Variants in IMMP2L observed in about 807,000 individuals in gnomAD.
IMMP2L encodes the protein inner mitochondrial membrane peptidase subunit 2.
IMMP2L carries 18 observed loss-of-function variants against 19.3 expected under a neutral mutation model. That is an observed-to-expected ratio of 0.93 (90% CI 0.64 to 1.38). IMMP2L has a LOEUF of 1.38. IMMP2L is among the 40% of genes most tolerant of loss of function. The pLI is 0.00. For missense variants in IMMP2L, 233 were observed against 218.2 expected, an observed-to-expected ratio of 1.07 and a Z score of -0.43; for synonymous variants, 76 against 73.0, an observed-to-expected ratio of 1.04 and a Z score of -0.21.
At chr7:111,495,596 GA>G (rs1843521076) in intron 2 of IMMP2L, among the ~76,000 whole-genome samples, 1 of 152,120 alleles carries the variant, frequency 6.6e-6, no homozygotes, top group Non-Finnish European at 1.5e-5. Context: ...AGGTTTGGAA[GA>G]ATTTATCTTT....
chr7:111,115,286 G>C (rs1799745091), intron 3 of IMMP2L, among the ~76,000 whole-genome samples: 1 of 151,584 alleles, frequency 6.6e-6, no homozygotes, highest in Admixed American at 6.6e-5. Context: ...TAAGCATCAA[G>C]AGACAAGTTA....
chr7:111,139,896 G>A (rs1041825872), intron 3 of IMMP2L, among the ~76,000 whole-genome samples: 1 of 152,106 alleles, frequency 6.6e-6, no homozygotes, highest in Non-Finnish European at 1.5e-5. Flanking sequence ...TGCCTGTGCT[G>A]TTGGCAACAC....
At chr7:111,098,897 T>C (rs968610278) in intron 3 of IMMP2L, among the ~76,000 whole-genome samples, 3 of 151,782 alleles carry the variant, frequency 2.0e-5, no homozygotes, top group Admixed American at 2.0e-4. Context: ...AAGAGTCAGA[T>C]TCTCTATCAA....
At chr7:111,156,751 T>C (rs1207112177) in intron 3 of IMMP2L, among the ~76,000 whole-genome samples, 2 of 152,010 alleles carry the variant, frequency 1.3e-5, no homozygotes, top group Non-Finnish European at 2.9e-5. Context: ...CACAGAGAAA[T>C]ACAACTGACT....
At chr7:111,478,878 T>TA (rs1046716545) in intron 3 of IMMP2L, among the ~76,000 whole-genome samples, 4 of 152,166 alleles carry the variant, frequency 2.6e-5, no homozygotes, top group African/African-American at 9.7e-5. Flanking sequence ...GTGTTGCGTA[T>TA]AAAAAAATTA....
intron 4 of IMMP2L, chr7:110,962,359 C>T (rs1428499196): frequency 6.6e-6 from 1 of 151,792 alleles, no homozygotes; most frequent in Non-Finnish European, 1.5e-5. Context: ...ATAATAAACC[C>T]TTATGTTAAC....
chr7:110,856,099 T>C lies in IMMP2L; in HGVS notation c.408+30494A>G, dbSNP rs111257705. On this transcript the variant is annotated intron_variant, in intron 5 of 5. Coordinates refer to ENST00000405709, the MANE Select transcript of IMMP2L (RefSeq NM_032549.4). ...AACTGTTCATCTACTACAGCAATCA[T>C]TCTTTTGGCTAAATGCACTTTCTTC... 3.9e-3 allele frequency among the ~76,000 whole-genome samples: 587 copies of C among 152,162 alleles called. 7 individuals are homozygous for C. Among genetic ancestry groups the C allele is most frequent in the African/African-American group, 0.013 (545 of 41,550 alleles).
intron 4 of IMMP2L, among the ~76,000 whole-genome samples, chr7:110,923,490 A>G (rs978817877): frequency 1.3e-5 from 2 of 152,200 alleles, no homozygotes; most frequent in Non-Finnish European, 2.9e-5. Flanking sequence ...GAAGCATAAA[A>G]GGTGAACTCT....
chr7:110,924,188 G>A lies in IMMP2L; in HGVS notation c.306-37493C>T, dbSNP rs183150568. Among the ~76,000 whole-genome samples, 3 of 152,256 alleles carry A rather than the reference G, an allele frequency of 2.0e-5. No individual in the cohort carries two copies. Among genetic ancestry groups the A allele is most frequent in the African/African-American group, 7.2e-5 (3 of 41,552 alleles). On this transcript the variant is annotated intron_variant, in intron 4 of 5. Transcript: ENST00000405709. The surrounding 1 kb of genome is among the most constrained non-coding windows in gnomAD (Gnocchi z 4.2). ...GCAACCTTTATCAGCATGAAGCCAG[G>A]TTTGGGCCTATAAGAACATAGACAG... is the stretch of plus-strand genomic sequence containing the variant.
At chr7:111,330,491 A>G (rs1825768565) in intron 3 of IMMP2L, among the ~76,000 whole-genome samples, 1 of 151,592 alleles carries the variant, frequency 6.6e-6, no homozygotes, top group South Asian at 2.1e-4. Context: ...GAAAGGGCCC[A>G]CTAGCCACGG....
At chr7:111,068,835 G>A (rs1232768788) in intron 3 of IMMP2L, among the ~76,000 whole-genome samples, 1 of 152,122 alleles carries the variant, frequency 6.6e-6, no homozygotes, top group Non-Finnish European at 1.5e-5. Context: ...AATAATTTTA[G>A]AAATGACATG....
chr7:111,307,853 C>A (rs1214019804), intron 3 of IMMP2L, among the ~76,000 whole-genome samples: 3 of 151,388 alleles, frequency 2.0e-5, no homozygotes, highest in Non-Finnish European at 4.4e-5. Flanking sequence ...GGTGTAAATC[C>A]AGTAATAATA....
chr7:111,169,210 G>A (rs1455528150), intron 3 of IMMP2L, among the ~76,000 whole-genome samples: 1 of 151,760 alleles, frequency 6.6e-6, no homozygotes, highest in African/African-American at 2.4e-5. Flanking sequence ...AACCTCCTTG[G>A]ACCCTCCCTG....
chr7:110,846,507 T>A (rs766362342), intron 5 of IMMP2L, among the ~76,000 whole-genome samples: 27 of 151,834 alleles, frequency 1.8e-4, no homozygotes, highest in Non-Finnish European at 3.4e-4. Context: ...CTGGGACTAC[T>A]GGCGCCTGCC....
chr7:110,893,882 C>T (rs1362464616), intron 4 of IMMP2L, among the ~76,000 whole-genome samples: 1 of 151,924 alleles, frequency 6.6e-6, no homozygotes, highest in African/African-American at 2.4e-5. Flanking sequence ...TTTCTTTTCC[C>T]CCACCTCCTA....
At chr7:110,852,819 T>G (rs1357084340) in intron 5 of IMMP2L, among the ~76,000 whole-genome samples, 1 of 151,960 alleles carries the variant, frequency 6.6e-6, no homozygotes, top group African/African-American at 2.4e-5. Flanking sequence ...ACTGATAGAC[T>G]AAACTAAGAT....
chr7:111,032,138 G>T (rs540492662), intron 3 of IMMP2L, among the ~76,000 whole-genome samples: 1 of 151,900 alleles, frequency 6.6e-6, no homozygotes, highest in Non-Finnish European at 1.5e-5. Context: ...ACAAGGTTTC[G>T]CTATGTTGCC....
At position 110,997,089 on chromosome 7, in the gene IMMP2L, T is replaced by C. The variant is rs575005643; in HGVS notation, c.240-33524A>G. On this transcript the variant is annotated intron_variant, in intron 3 of 5. Coordinates refer to ENST00000405709, the MANE Select transcript of IMMP2L (RefSeq NM_032549.4). ...TCCCTCTCCCCCACCTCTATTAACC[T>C]TGGCAAGCACTAATCTGTTCTCTAT... Among the ~76,000 whole-genome samples, 14 of 152,162 alleles carry C rather than the reference T, an allele frequency of 9.2e-5. 1 individual carries two copies. The South Asian group carries it at 2.9e-3, about 32-fold the overall frequency.
chr7:111,339,200 CTCT>C (rs1010381059), intron 3 of IMMP2L, among the ~76,000 whole-genome samples: 1 of 151,904 alleles, frequency 6.6e-6, no homozygotes, highest in African/African-American at 2.4e-5. Context: ...TTGCAGAAGC[CTCT>C]TGAGACTATT....
Sources: gnomAD v4.1 joint callset for allele counts (sites outside exome capture counted in the v4.1 genomes callset) on GRCh38, gnomAD v4.1.1 for gene constraint, Gnocchi (gnomAD v3.1) non-coding constraint, MANE v1.5 for transcripts, NCBI Gene and HGNC (gene_info 2026-07-23, HGNC 2026-07-21) for gene names.